PML: variants seen among roughly 807,000 people sequenced by gnomAD.
The protein encoded by PML is PML nuclear body scaffold.
A neutral mutation model predicts 65.2 loss-of-function variants in PML; 28 were observed. The observed-to-expected ratio is 0.43, with a 90% confidence interval of 0.32 to 0.59. The LOEUF (loss-of-function observed/expected upper bound fraction) is 0.59, where lower values mean the gene tolerates loss of function less well. PML is among the 20% of genes least tolerant of loss of function. PML has a pLI of 0.08. For synonymous variants in PML, 500 were observed against 508.8 expected (o/e 0.98, Z 0.23); for missense variants, 1,021 against 1,203.4 (o/e 0.85, Z 2.24).
At chr15:74,044,109 C>A in intron 8 of PML, 112 bp from the exon 9 acceptor site, 12 of 1,021,058 alleles carry the variant, frequency 1.2e-5, no homozygotes, top group South Asian at 2.6e-5. Context: ...TGCCAGCAGA[C>A]CCCAAGGTGA....
intron 3 of PML, 149 bp from the exon 4 acceptor site, chr15:74,024,708 T>A (rs2141839701): frequency 1.4e-6 from 1 of 698,930 alleles, no homozygotes; most frequent in East Asian, 2.7e-5. Flanking sequence ...CAGCTGCCCC[T>A]CCAGGGAGTT....
chr15:74,033,498 A>G (rs752615574), intron 6 of PML, 84 bp downstream of exon 6: 8 of 1,499,844 alleles, frequency 5.3e-6, no homozygotes, highest in South Asian at 4.5e-5. Context: ...GGCCCCATCC[A>G]GAAAGCCCAA....
At position 74,036,481 on chromosome 15, in the gene PML, A is replaced by G. The variant is rs1427820746; in HGVS notation, c.1710+1951A>G. 8.2e-6 allele frequency: 10 copies of G among 1,221,968 alleles called. No individual in the cohort carries two copies. In the African/African-American group the frequency reaches 9.2e-5, roughly 11 times the overall value. The allele number at this position is 1,221,968 out of a possible 1,614,324, so 75.7% of individuals were successfully genotyped here. ...GGCTGTTCTCTCTTCCCTATGCTGGAACTCAGTTCTCCTCTGGGGATACCA... is the reference window on the plus strand; with the variant it reads ...GGCTGTTCTCTCTTCCCTATGCTGGGACTCAGTTCTCCTCTGGGGATACCA... On this transcript the variant is annotated intron_variant, in intron 7 of 8. Transcript: ENST00000268058.
chr15:74,028,632 C>G (rs1349547685), intron 4 of PML, among the ~76,000 whole-genome samples: 2 of 152,204 alleles, frequency 1.3e-5, no homozygotes, highest in African/African-American at 4.8e-5. Context: ...CAAGCTGGAA[C>G]TCTGTTCCTG....
chr15:74,013,563 G>T (rs2070426556), intron 2 of PML, among the ~76,000 whole-genome samples: 1 of 152,126 alleles, frequency 6.6e-6, no homozygotes, highest in African/African-American at 2.4e-5. Context: ...GGCATATTTT[G>T]CAATTTGGTT....
chr15:74,031,430 C>T lies in PML; in HGVS notation c.1255-1142C>T, dbSNP rs561662450. The T allele has an allele frequency of 5.8e-4, 153 of 263,950 alleles. 1 individual carries two copies. Among genetic ancestry groups the T allele is most frequent in the African/African-American group, 3.1e-3 (140 of 45,350 alleles). 16.4% of individuals were successfully genotyped at this position (263,950 alleles called of 1,614,324 possible). A position where few individuals can be genotyped will look rare whatever the true frequency, so the allele number is the denominator to read the frequency against. ...CTGGGACTACAGGTGTGCACCACCA[C>T]GTCTGGCTGGTGTCTTTCATTTAAT... On this transcript the variant is annotated intron_variant, in intron 4 of 8. Coordinates refer to ENST00000268058, the MANE Select transcript of PML (RefSeq NM_033238.3).
In PML at chr15:73,994,946, T is replaced by C; in HGVS notation, c.129+5T>C. The C allele has an allele frequency of 6.5e-7, 1 of 1,532,806 alleles. No individual in the cohort carries two copies. The highest frequency in any genetic ancestry group is 8.8e-7 in the Non-Finnish European group (1 of 1,137,656). 95.0% of individuals were successfully genotyped at this position (1,532,806 alleles called of 1,614,324 possible). On this transcript the variant is annotated splice_donor_5th_base_variant and intron_variant, in intron 1 of 8. Coordinates refer to ENST00000268058, the MANE Select transcript of PML (RefSeq NM_033238.3). ...CCCAGCCCCAGCCCTACAGAGGTACTATTGGGTTAGGGGATGATGGGGTTA... is the reference window on the plus strand; with the variant it reads ...CCCAGCCCCAGCCCTACAGAGGTACCATTGGGTTAGGGGATGATGGGGTTA...
chr15:74,021,625 A>G (rs1396223870), intron 2 of PML, among the ~76,000 whole-genome samples: 7 of 151,806 alleles, frequency 4.6e-5, no homozygotes, highest in African/African-American at 1.7e-4. Flanking sequence ...AAATACAAAC[A>G]CTTTGATCTA....
chr15:74,021,480 G>A (rs890004984), intron 2 of PML, among the ~76,000 whole-genome samples: 7 of 152,076 alleles, frequency 4.6e-5, no homozygotes, highest in African/African-American at 1.7e-4. Context: ...AGCTACTCGG[G>A]AGGCTGAGGC....
At chr15:74,008,645 G>A (rs925199668) in intron 2 of PML, among the ~76,000 whole-genome samples, 2 of 152,042 alleles carry the variant, frequency 1.3e-5, no homozygotes, top group African/African-American at 2.4e-5. Context: ...AGGCTGAGGC[G>A]GGAGAATGGC....
Position 74,042,342 on chromosome 15 carries a change from C to G in PML, c.1711-647C>G, listed in dbSNP as rs1165160025. 1.0e-6 allele frequency: 1 copy of G among 985,044 alleles called. No homozygotes were observed. The highest frequency in any genetic ancestry group is 1.7e-5 in the African/African-American group (1 of 57,228). 61.0% of individuals were successfully genotyped at this position (985,044 alleles called of 1,614,324 possible). A position where few individuals can be genotyped will look rare whatever the true frequency, so the allele number is the denominator to read the frequency against. ...CCACCTAGATGTGGCCTTCAGGAGG[C>G]CAAGCAGTCCTTCCCCTCGCCTTTG... is the stretch of plus-strand genomic sequence containing the variant. On this transcript the variant is annotated intron_variant, in intron 7 of 8. Transcript: ENST00000268058. This position sits in a 1 kb window ranked among gnomAD's most constrained non-coding sequence, Gnocchi z 5.3.
chr15:74,001,087 T>C (rs2069739863), intron 2 of PML, among the ~76,000 whole-genome samples: 1 of 152,240 alleles, frequency 6.6e-6, no homozygotes. Flanking sequence ...TATCTTTCAT[T>C]ATTTAAAAAT....
In PML at chr15:74,022,979, A is replaced by G. The variant is rs936232769; in HGVS notation, c.754A>G (p.Ser252Gly). ...GACGCAGGCGCTGCAGGAGCAGGAT[A>G]GTGCCTTTGGCGCGGTTCACGCGCA... The part of the protein sequence containing the change: ...AMTQALQEQD[S>G]AFGAVHAQMH... Residue 252 changes from serine (S) to glycine (G), a missense_variant, in exon 3 of 9, where the codon AGT becomes GGT. By Grantham distance (56) the Ser-to-Gly change is moderately conservative. Coordinates refer to ENST00000268058, the MANE Select transcript of PML (RefSeq NM_033238.3). The G allele has an allele frequency of 7.5e-6, 12 of 1,610,408 alleles. No individual in the cohort carries two copies. In the Middle Eastern group the frequency reaches 6.6e-4, roughly 88 times the overall value.
At position 73,998,273 on chromosome 15, in the gene PML, A is replaced by G. The variant is rs770426452; in HGVS notation, c.399A>G (p.Lys133=). 2.5e-6 allele frequency: 4 copies of G among 1,614,192 alleles called. No homozygotes were observed. Among genetic ancestry groups the G allele is most frequent in the African/African-American group, 1.3e-5 (1 of 75,056 alleles). ...VDAQAVCTRC[K]ESADFWCFEC... ...CGCAGGCTGTGTGCACCCGCTGCAA[A>G]GAGTCGGCCGACTTCTGGTGCTTTG... The change falls in exon 2 of 9, where the codon AAA becomes AAG. Residue 133 remains lysine, a synonymous_variant. Coordinates refer to ENST00000268058, the MANE Select transcript of PML (RefSeq NM_033238.3).
In PML at chr15:73,994,843, C is replaced by T. The variant is rs1469928575; in HGVS notation, c.31C>T (p.Pro11Ser). Reference sequence around the variant, plus strand: ...GCCTGCACCCGCCCGATCTCCGAGGCCCCAGCAGGACCCCGCCCGGCCCCA... The same window carrying T: ...GCCTGCACCCGCCCGATCTCCGAGGTCCCAGCAGGACCCCGCCCGGCCCCA... MEPAPARSPR[P>S]QQDPARPQEP... Residue 11 changes from proline to serine, a missense_variant, in exon 1 of 9, where the codon CCC (proline) becomes TCC (serine). By Grantham distance (74) the Pro-to-Ser change is moderately conservative. Transcript: ENST00000268058. 2 of 1,558,784 alleles carry T rather than the reference C, an allele frequency of 1.3e-6. No individual in the cohort carries two copies. The highest frequency in any genetic ancestry group is 1.7e-6 in the Non-Finnish European group (2 of 1,151,106).
At chr15:74,033,008 G>A (rs2071389976) in intron 5 of PML, 148 bp from the exon 6 acceptor site, 1 of 872,042 alleles carries the variant, frequency 1.1e-6, no homozygotes, top group African/African-American at 1.7e-5. Context: ...CTTCCTGTCT[G>A]AAGAGAGACG....
At chr15:73,998,503 G>T in intron 2 of PML, 27 bp downstream of exon 2, 1 of 1,589,306 alleles carries the variant, frequency 6.3e-7, no homozygotes, top group South Asian at 1.1e-5. Flanking sequence ...AGGGTGGGGT[G>T]GTGCATCCAA....
chr15:74,021,944 A>G (rs4886845), intron 2 of PML, among the ~76,000 whole-genome samples: 81,033 of 152,064 alleles, frequency 0.53, 22,142 homozygotes, highest in East Asian at 0.63. Context: ...CAAAGTAATT[A>G]TATGACTTGA....
chr15:74,044,163 C>T (rs2071743786), intron 8 of PML, 58 bp from the exon 9 acceptor site: 2 of 1,577,850 alleles, frequency 1.3e-6, no homozygotes, highest in Non-Finnish European at 8.7e-7. Flanking sequence ...ACCCCCTGCT[C>T]CCACCCCAGA....
Sources: allele counts gnomAD v4.1 joint callset (sites outside exome capture counted in the v4.1 genomes callset), GRCh38; gene constraint gnomAD v4.1.1; non-coding constraint Gnocchi (gnomAD v3.1); transcripts MANE v1.5; gene names NCBI Gene and HGNC (gene_info 2026-07-23, HGNC 2026-07-21).